Variants in MID1 observed in about 807,000 individuals in gnomAD.
MID1 encodes E3 ubiquitin-protein ligase Midline-1.
MID1 carries 7 observed loss-of-function variants against 40.4 expected under a neutral mutation model. The observed-to-expected ratio is 0.17, with a 90% CI of 0.10 to 0.33. MID1 has a LOEUF of 0.33. Among genes scored for constraint, MID1 ranks in the 10% least tolerant of loss-of-function variants. MID1 has a pLI of 1.00. For synonymous variants in MID1, 229 were observed against 221.2 expected, an observed-to-expected ratio of 1.04 and a Z score of -0.31; for missense variants, 367 against 558.5, an observed-to-expected ratio of 0.66 and a Z score of 3.46.
At chrX:10,465,503 C>T (rs1429999660) in intron 7 of MID1, among the ~76,000 whole-genome samples, 2 of 109,899 alleles carry the variant, frequency 1.8e-5, no homozygotes, top group Non-Finnish European at 3.8e-5. Flanking sequence ...ATGACAAAGG[C>T]GAAGGCGAAG....
intron 1 of MID1, among the ~76,000 whole-genome samples, chrX:10,626,076 T>C (rs1569131821): frequency 2.7e-5 from 3 of 110,363 alleles, no homozygotes; most frequent in Non-Finnish European, 5.7e-5. Flanking sequence ...AGGCTATTAT[T>C]AACTCCAGGC....
At chrX:10,791,786 T>C (rs2043933162) in intron 1 of MID1, among the ~76,000 whole-genome samples, 1 of 111,574 alleles carries the variant, frequency 9.0e-6, no homozygotes, top group Non-Finnish European at 1.9e-5. Flanking sequence ...TGCATGTGTG[T>C]GTGTGTGCAT....
At chrX:10,697,557 T>TA (rs754245978) in intron 1 of MID1, among the ~76,000 whole-genome samples, 3 of 111,317 alleles carry the variant, frequency 2.7e-5, no homozygotes, top group African/African-American at 9.8e-5. Flanking sequence ...TGAGGCTAAT[T>TA]AAAAAAAAGC....
chrX:10,486,554 G>A (rs1232361352), intron 4 of MID1, among the ~76,000 whole-genome samples: 1 of 111,631 alleles, frequency 9.0e-6, no homozygotes, highest in Non-Finnish European at 1.9e-5. Context: ...ATATGCCCTG[G>A]CTAGGGACTT....
chrX:10,632,813 T>C (rs1936067159), intron 1 of MID1, among the ~76,000 whole-genome samples: 2 of 111,604 alleles, frequency 1.8e-5, no homozygotes, highest in Non-Finnish European at 3.8e-5. Context: ...CATTTTCAAA[T>C]AGTTGAAAGA....
Position 10,469,245 on chromosome X carries a change from TA to T in MID1, c.1285+451del, listed in dbSNP as rs758241077. 1.4e-4 allele frequency: 90 copies of T among 646,588 alleles called. 1 individual carries two copies. The highest frequency in any genetic ancestry group is 7.9e-4 in the Admixed American group (12 of 15,123). 53.3% of individuals were successfully genotyped at this position (646,588 alleles called of 1,213,427 possible). On this transcript the variant is annotated intron_variant, in intron 7 of 9. Transcript: ENST00000317552. ...TGTCACCACACCCCGCTAATTTTTGTATTTTTTTTGTATTTTTTGTAGAGAT... is the reference window on the plus strand; with the variant it reads ...TGTCACCACACCCCGCTAATTTTTGTTTTTTTTTGTATTTTTTGTAGAGAT...
chrX:10,773,553 G>A (rs1372091025), intron 1 of MID1, among the ~76,000 whole-genome samples: 4 of 112,599 alleles, frequency 3.6e-5, no homozygotes, highest in Non-Finnish European at 7.5e-5. Context: ...TAGAACTGAT[G>A]TTAATCAAAC....
At chrX:10,560,746 T>C (rs776646842) in intron 2 of MID1, among the ~76,000 whole-genome samples, 9 of 110,953 alleles carry the variant, frequency 8.1e-5, no homozygotes, top group Non-Finnish European at 1.7e-4. Flanking sequence ...GGAAAAAAAA[T>C]CCATGCTCAT....
At chrX:10,665,528 CT>C (rs373056802) in intron 1 of MID1, among the ~76,000 whole-genome samples, 3,214 of 96,376 alleles carry the variant, frequency 0.033, 68 homozygotes, top group African/African-American at 0.074. Flanking sequence ...CAAATAGCCA[CT>C]TTTTTTTTTT....
At chrX:10,716,334 C>A (rs1457609354) in intron 1 of MID1, among the ~76,000 whole-genome samples, 1 of 111,610 alleles carries the variant, frequency 9.0e-6, no homozygotes, top group African/African-American at 3.3e-5. Flanking sequence ...ATAACCAATG[C>A]AGAGAAGTCC....
intron 1 of MID1, among the ~76,000 whole-genome samples, chrX:10,712,241 C>A (rs1318189185): frequency 9.0e-6 from 1 of 110,942 alleles, no homozygotes; most frequent in Non-Finnish European, 1.9e-5. Flanking sequence ...CTGGTCACAA[C>A]TGGCAGCGGG....
At chrX:10,536,791 T>C (rs181832915) in intron 2 of MID1, among the ~76,000 whole-genome samples, 4 of 112,475 alleles carry the variant, frequency 3.6e-5, no homozygotes, top group South Asian at 3.7e-4. Context: ...AAGTAGGAAG[T>C]AAGCAATTGC....
At chrX:10,612,113 C>T (rs1389779648) in intron 1 of MID1, among the ~76,000 whole-genome samples, 3 of 111,785 alleles carry the variant, frequency 2.7e-5, no homozygotes, top group East Asian at 2.8e-4. Context: ...TGTTAGAAAG[C>T]GGAGAAATAT....
intron 1 of MID1, among the ~76,000 whole-genome samples, chrX:10,681,252 G>C (rs1602513991): frequency 9.0e-6 from 1 of 111,022 alleles, no homozygotes; most frequent in African/African-American, 3.3e-5. Context: ...TTTATCTACT[G>C]CTGCATAACA....
intron 1 of MID1, among the ~76,000 whole-genome samples, chrX:10,720,563 G>C (rs1245583424): frequency 5.4e-5 from 6 of 111,741 alleles, no homozygotes; most frequent in Non-Finnish European, 9.4e-5. Flanking sequence ...TGCTGGAGAG[G>C]ATGTGGAGAA....
In MID1 at chrX:10,570,858, T is replaced by C. The variant is rs187033077; in HGVS notation, c.-56-3255A>G. Among the ~76,000 whole-genome samples, 502 of 112,470 alleles carry C rather than the reference T, an allele frequency of 4.5e-3. 3 individuals are homozygous for C. The highest frequency in any genetic ancestry group is 0.015 in the African/African-American group (474 of 31,033). ...CATTGGCCTGCACATCTTATTTTGT[T>C]GAGCCATGTATTGGAAGATAGAGGC... is the stretch of plus-strand genomic sequence containing the variant. On this transcript the variant is annotated intron_variant, in intron 1 of 9. Coordinates refer to ENST00000317552, the MANE Select transcript of MID1 (RefSeq NM_000381.4).
At chrX:10,776,083 A>T (rs902044855) in intron 1 of MID1, among the ~76,000 whole-genome samples, 2 of 111,925 alleles carry the variant, frequency 1.8e-5, no homozygotes, top group Admixed American at 9.5e-5. Flanking sequence ...TAACTCACAA[A>T]AAAAGCAATT....
At chrX:10,769,229 G>A (rs1249566540) in intron 1 of MID1, among the ~76,000 whole-genome samples, 2 of 110,889 alleles carry the variant, frequency 1.8e-5, no homozygotes, top group Admixed American at 9.6e-5. Flanking sequence ...AGGCTAGTAA[G>A]CTGAAAATAA....
At chrX:10,750,627 T>C (rs2043591255) in intron 1 of MID1, among the ~76,000 whole-genome samples, 1 of 108,355 alleles carries the variant, frequency 9.2e-6, no homozygotes, top group Non-Finnish European at 1.9e-5. Flanking sequence ...TGAGACTCTG[T>C]CTCGAAAAAT....
Sources: gnomAD v4.1 joint callset for allele counts (sites outside exome capture counted in the v4.1 genomes callset) on GRCh38, gnomAD v4.1.1 for gene constraint, MANE v1.5 for transcripts, NCBI Gene and HGNC (gene_info 2026-07-23, HGNC 2026-07-21) for gene names.